Variants in CDH1 observed in about 807,000 individuals in gnomAD.
CDH1 encodes the protein cadherin 1, also known as cadherin-1.
A neutral mutation model predicts 84.5 loss-of-function variants in CDH1; 35 were observed. The observed-to-expected ratio is 0.41, with a 90% CI of 0.32 to 0.55. The LOEUF (loss-of-function observed/expected upper bound fraction) is 0.55. Among genes scored for constraint, CDH1 ranks in the 20% least tolerant of loss-of-function variants. CDH1 has a pLI of 0.19. For missense variants in CDH1, 994 were observed against 1,126.6 expected, an observed-to-expected ratio of 0.88 and a Z score of 1.68; for synonymous variants, 417 against 439.0, an observed-to-expected ratio of 0.95 and a Z score of 0.63.
At chr16:68,819,895 CTTA>C (rs1361344058) in intron 11 of CDH1, among the ~76,000 whole-genome samples, 1 of 152,132 alleles carries the variant, frequency 6.6e-6, no homozygotes, top group East Asian at 1.9e-4. Context: ...CAAAGGCATT[CTTA>C]TTATCAAAAA....
intron 2 of CDH1, among the ~76,000 whole-genome samples, chr16:68,752,895 A>G (rs753636826): frequency 5.3e-5 from 8 of 152,168 alleles, no homozygotes; most frequent in Non-Finnish European, 8.8e-5. Flanking sequence ...ACCTTCCTTG[A>G]GCAAGGCTCT....
At chr16:68,789,971 A>G (rs1960165267) in intron 2 of CDH1, among the ~76,000 whole-genome samples, 1 of 152,140 alleles carries the variant, frequency 6.6e-6, no homozygotes, top group Non-Finnish European at 1.5e-5. Flanking sequence ...CAGGAGAATC[A>G]CTTGAACCCG....
At chr16:68,766,039 C>T (rs1032801489) in intron 2 of CDH1, among the ~76,000 whole-genome samples, 1 of 152,118 alleles carries the variant, frequency 6.6e-6, no homozygotes, top group Non-Finnish European at 1.5e-5. Flanking sequence ...GCAGGCGAAT[C>T]ATGAGGTCAG....
At chr16:68,749,217 T>C (rs1323542876) in intron 2 of CDH1, among the ~76,000 whole-genome samples, 2 of 152,200 alleles carry the variant, frequency 1.3e-5, no homozygotes, top group South Asian at 4.1e-4. Flanking sequence ...GCTTCCAGAA[T>C]GTTCCTTTGG....
intron 2 of CDH1, among the ~76,000 whole-genome samples, chr16:68,740,941 CT>C (rs1203118746): frequency 1.3e-5 from 2 of 151,718 alleles, no homozygotes; most frequent in African/African-American, 4.8e-5. Flanking sequence ...CCTCAATAAC[CT>C]GAAAAAACAA....
At chr16:68,819,254 A>G in intron 10 of CDH1, 26 bp from the exon 11 acceptor site, 1 of 1,614,082 alleles carries the variant, frequency 6.2e-7, no homozygotes, top group Non-Finnish European at 8.5e-7. Flanking sequence ...GTCCTATTCT[A>G]AAAGCCAGAG....
At chr16:68,772,746 G>A (rs957585942) in intron 2 of CDH1, among the ~76,000 whole-genome samples, 4 of 152,072 alleles carry the variant, frequency 2.6e-5, no homozygotes, top group Non-Finnish European at 4.4e-5. Context: ...ACCAGCCTGG[G>A]CAACAGAGTG....
At chr16:68,791,235 T>C (rs1220580242) in intron 2 of CDH1, among the ~76,000 whole-genome samples, 1 of 152,128 alleles carries the variant, frequency 6.6e-6, no homozygotes, top group Non-Finnish European at 1.5e-5. Flanking sequence ...CCGCCTGCTC[T>C]CTCCCTTACT....
intron 2 of CDH1, among the ~76,000 whole-genome samples, chr16:68,743,293 TTC>T (rs1193725842): frequency 1.6e-4 from 1 of 6,182 alleles, no homozygotes; most frequent in Non-Finnish European, 3.3e-4. Context: ...CTTTCTTTCT[TTC>T]TTTCTTTCTT....
intron 2 of CDH1, among the ~76,000 whole-genome samples, chr16:68,742,114 AAAG>A (rs1962583268): frequency 6.6e-6 from 1 of 152,192 alleles, no homozygotes; most frequent in South Asian, 2.1e-4. Flanking sequence ...GGCGCGGAAA[AAAG>A]AAAAGCTGGC....
chr16:68,769,359 T>A (rs2152120457), intron 2 of CDH1, among the ~76,000 whole-genome samples: 1 of 152,338 alleles, frequency 6.6e-6, no homozygotes, highest in African/African-American at 2.4e-5. Flanking sequence ...TACTTCAATG[T>A]CTGTTGGCTG....
intron 13 of CDH1, 115 bp from the exon 14 acceptor site, chr16:68,828,059 A>T: frequency 9.0e-7 from 1 of 1,106,692 alleles, no homozygotes; most frequent in Non-Finnish European, 1.4e-6. Context: ...GAAGGCAGCT[A>T]GTGGCTGTCT....
chr16:68,817,513 G>GA (rs1256673435), intron 10 of CDH1, among the ~76,000 whole-genome samples: 3 of 152,184 alleles, frequency 2.0e-5, no homozygotes, highest in African/African-American at 7.2e-5. Context: ...ATCATGCAGT[G>GA]AAAAAAGGCA....
chr16:68,777,968 G>A (rs1350960722), intron 2 of CDH1, among the ~76,000 whole-genome samples: 2 of 152,136 alleles, frequency 1.3e-5, no homozygotes, highest in Non-Finnish European at 2.9e-5. Context: ...CTGACCTCAG[G>A]TGATCCACCT....
chr16:68,829,394 T>A (rs1377676540), intron 14 of CDH1, among the ~76,000 whole-genome samples: 1 of 152,184 alleles, frequency 6.6e-6, no homozygotes, highest in Non-Finnish European at 1.5e-5. Flanking sequence ...CTAATCATCA[T>A]GTCCTATGAA....
chr16:68,745,544 A>T (rs1324736937), intron 2 of CDH1, among the ~76,000 whole-genome samples: 1,929 of 55,838 alleles, frequency 0.035, 51 homozygotes, highest in African/African-American at 0.054. Context: ...AAAAAAAAAA[A>T]AAAAAATATA....
chr16:68,737,412 A>G lies in CDH1; in HGVS notation c.-4A>G. 1 of 1,531,576 alleles carries G rather than the reference A, an allele frequency of 6.5e-7. No individual in the cohort carries two copies. The highest frequency in any genetic ancestry group is 8.7e-7 in the Non-Finnish European group (1 of 1,145,394). 94.9% of individuals were successfully genotyped at this position (1,531,576 alleles called of 1,614,324 possible). On this transcript the variant is annotated 5_prime_UTR_variant, in exon 1 of 16. Coordinates refer to ENST00000261769, the MANE Select transcript of CDH1 (RefSeq NM_004360.5). ...CTGCCCTCGCTCGGCGTCCCCGGCC[A>G]GCCATGGGCCCTTGGAGCCGCAGCC...
At chr16:68,738,199 C>T in intron 1 of CDH1, 98 bp from the exon 2 acceptor site, 1 of 827,440 alleles carries the variant, frequency 1.2e-6, no homozygotes, top group Non-Finnish European at 2.0e-6. Context: ...CCCCCAATCC[C>T]GACGCCGGGA....
chr16:68,777,198 C>A (rs2152121492), intron 2 of CDH1, among the ~76,000 whole-genome samples: 1 of 152,296 alleles, frequency 6.6e-6, no homozygotes, highest in East Asian at 1.9e-4. Context: ...GAAAACCCTT[C>A]ATGAAAGCAT....
Sources: allele counts gnomAD v4.1 joint callset (sites outside exome capture counted in the v4.1 genomes callset), GRCh38; gene constraint gnomAD v4.1.1; transcripts MANE v1.5; gene names NCBI Gene and HGNC (gene_info 2026-07-23, HGNC 2026-07-21).